The following SH3RF1 variants were observed in gnomAD, a reference collection of about 807,000 sequenced individuals.
SH3RF1 encodes SH3 domain containing ring finger 1, also known as E3 ubiquitin-protein ligase SH3RF1.
In SH3RF1, 32 loss-of-function variants were observed where a neutral mutation model predicts 74.0. That is an observed-to-expected ratio of 0.43 (90% CI 0.33 to 0.58). SH3RF1 has a LOEUF of 0.58. SH3RF1 is among the 20% of genes least tolerant of loss of function. SH3RF1 has a pLI of 0.05. For missense variants in SH3RF1, 954 were observed against 1,130.9 expected (o/e 0.84, Z 2.24); for synonymous variants, 396 against 439.6 (o/e 0.90, Z 1.24).
At chr4:169,267,819 T>G (rs2110766103) in intron 2 of SH3RF1, among the ~76,000 whole-genome samples, 1 of 152,318 alleles carries the variant, frequency 6.6e-6, no homozygotes, top group South Asian at 2.1e-4. Context: ...CACTTTTGAG[T>G]GCTTACTGAA....
chr4:169,256,839 C>G (rs2110753492), intron 2 of SH3RF1, among the ~76,000 whole-genome samples: 1 of 152,292 alleles, frequency 6.6e-6, no homozygotes, highest in South Asian at 2.1e-4. Context: ...CTGGCCACAA[C>G]TGATCCTCCC....
chr4:169,179,821 T>C (rs1180053705), intron 2 of SH3RF1, among the ~76,000 whole-genome samples: 1 of 152,216 alleles, frequency 6.6e-6, no homozygotes, highest in Non-Finnish European at 1.5e-5. Context: ...AAACAGCTGG[T>C]TGGACTTTTC....
intron 11 of SH3RF1, among the ~76,000 whole-genome samples, chr4:169,106,159 C>T (rs769766108): frequency 1.1e-4 from 17 of 151,850 alleles, no homozygotes; most frequent in Non-Finnish European, 2.2e-4. Flanking sequence ...GTCACCCAGG[C>T]TGGAGTGCAG....
Position 169,096,444 on chromosome 4 carries a change from G to T in SH3RF1, c.*75C>A. On this transcript the variant is annotated 3_prime_UTR_variant, in exon 12 of 12. Coordinates refer to ENST00000284637, the MANE Select transcript of SH3RF1 (RefSeq NM_020870.4). ...CCTGACCATCTGGAAGTCCACAAAT[G>T]TGCTCTTTCTGTTAAACTGCTTTGT... The T allele has an allele frequency of 6.6e-7, 1 of 1,504,472 alleles. No individual in the cohort carries two copies. Among genetic ancestry groups the T allele is most frequent in the Non-Finnish European group, 9.0e-7 (1 of 1,107,350 alleles). 93.2% of individuals were successfully genotyped at this position (1,504,472 alleles called of 1,614,324 possible).
chr4:169,187,042 A>G (rs995054767), intron 2 of SH3RF1, among the ~76,000 whole-genome samples: 2 of 151,890 alleles, frequency 1.3e-5, no homozygotes, highest in Non-Finnish European at 2.9e-5. Flanking sequence ...AGAAAAAAAG[A>G]AAAGATTCTC....
intron 2 of SH3RF1, among the ~76,000 whole-genome samples, chr4:169,206,511 A>C (rs1236844885): frequency 1.3e-5 from 2 of 152,214 alleles, no homozygotes; most frequent in African/African-American, 4.8e-5. Flanking sequence ...CGTCTCCATA[A>C]AAAATTTTTA....
At chr4:169,209,469 C>T (rs1730322486) in intron 2 of SH3RF1, among the ~76,000 whole-genome samples, 1 of 152,106 alleles carries the variant, frequency 6.6e-6, no homozygotes, top group African/African-American at 2.4e-5. Flanking sequence ...AGCACCTATC[C>T]TCGTGGGCTG....
chr4:169,214,838 TA>T (rs1730437051), intron 2 of SH3RF1, among the ~76,000 whole-genome samples: 1 of 152,206 alleles, frequency 6.6e-6, no homozygotes, highest in East Asian at 1.9e-4. Context: ...TAATAAGGAC[TA>T]AAAAAACTTT....
chr4:169,115,157 A>T (rs968300659), intron 10 of SH3RF1, among the ~76,000 whole-genome samples: 1 of 152,192 alleles, frequency 6.6e-6, no homozygotes, highest in Non-Finnish European at 1.5e-5. Context: ...CAAATGAGAC[A>T]TTAAAAAAAA....
chr4:169,227,239 C>T (rs1486815768), intron 2 of SH3RF1, among the ~76,000 whole-genome samples: 1 of 151,232 alleles, frequency 6.6e-6, no homozygotes, highest in Non-Finnish European at 1.5e-5. Context: ...TGGGAAATAA[C>T]AAAAATCATT....
In SH3RF1 at chr4:169,268,829, G is replaced by C. The variant is rs751684801; in HGVS notation, c.384C>G (p.Pro128=). The C allele has an allele frequency of 1.3e-6, 2 of 1,593,636 alleles. No individual in the cohort carries two copies. The highest frequency in any genetic ancestry group is 2.7e-5 in the African/African-American group (2 of 74,200). The part of the protein sequence containing the change: ...GQQPRVQSWS[P]PVRGIPQLPC... ...TCTGTAGGCTACTTACCCTCACTGG[G>C]GGGCTCCAGGATTGCACCCGAGGCT... The change falls in exon 2 of 12, where the codon CCC becomes CCG. Residue 128 remains proline, a synonymous_variant. Coordinates refer to ENST00000284637, the MANE Select transcript of SH3RF1 (RefSeq NM_020870.4).
chr4:169,257,978 C>T (rs561387493), intron 2 of SH3RF1, among the ~76,000 whole-genome samples: 12 of 152,286 alleles, frequency 7.9e-5, no homozygotes, highest in African/African-American at 2.6e-4. Flanking sequence ...ATGTGAGAGC[C>T]ACATGTCACC....
intron 2 of SH3RF1, among the ~76,000 whole-genome samples, chr4:169,231,444 T>C (rs530875989): frequency 6.6e-6 from 1 of 152,188 alleles, no homozygotes; most frequent in African/African-American, 2.4e-5. Flanking sequence ...CGCATGGCTG[T>C]AATCCCAGCT....
At chr4:169,136,654 G>T (rs1387447456) in intron 4 of SH3RF1, 34 bp from the exon 5 acceptor site, 3 of 1,461,258 alleles carry the variant, frequency 2.1e-6, no homozygotes, top group Non-Finnish European at 1.8e-6. Context: ...ACACAAGAAG[G>T]TTAAACAATT....
chr4:169,189,629 G>GT (rs1296173111), intron 2 of SH3RF1, among the ~76,000 whole-genome samples: 2 of 152,216 alleles, frequency 1.3e-5, no homozygotes, highest in African/African-American at 4.8e-5. Flanking sequence ...GGCCTATGCT[G>GT]TTAGAGAAAG....
intron 11 of SH3RF1, among the ~76,000 whole-genome samples, chr4:169,103,764 G>C (rs1366414631): frequency 6.6e-6 from 1 of 152,188 alleles, no homozygotes; most frequent in Non-Finnish European, 1.5e-5. Context: ...AGCAAAGGCT[G>C]TGGAAAGTTG....
At chr4:169,185,723 C>T (rs1164870501) in intron 2 of SH3RF1, among the ~76,000 whole-genome samples, 1 of 152,174 alleles carries the variant, frequency 6.6e-6, no homozygotes, top group Non-Finnish European at 1.5e-5. Flanking sequence ...ATTCCACCTC[C>T]TTTACTCCCC....
At chr4:169,204,202 A>G (rs1730189020) in intron 2 of SH3RF1, 1 of 152,218 alleles carries the variant, frequency 6.6e-6, no homozygotes, top group Non-Finnish European at 1.5e-5. Context: ...GTTACTTTCT[A>G]AAGACTGCAG....
chr4:169,183,932 A>G (rs1014109544), intron 2 of SH3RF1, among the ~76,000 whole-genome samples: 4 of 152,210 alleles, frequency 2.6e-5, no homozygotes, highest in African/African-American at 9.7e-5. Context: ...GATAAAGCTG[A>G]CAGACTGTCT....
Sources: gnomAD v4.1 joint callset for allele counts (sites outside exome capture counted in the v4.1 genomes callset) on GRCh38, gnomAD v4.1.1 for gene constraint, MANE v1.5 for transcripts, NCBI Gene and HGNC (gene_info 2026-07-23, HGNC 2026-07-21) for gene names.